RGS17: variants seen among roughly 807,000 people sequenced by gnomAD.
RGS17 encodes the protein regulator of G protein signaling 17, also known as regulator of G-protein signaling 17.
RGS17 carries 12 observed loss-of-function variants against 25.5 expected under a neutral mutation model. The observed-to-expected ratio is 0.47, with a 90% CI of 0.30 to 0.76. RGS17 has a LOEUF of 0.76. Among genes scored for constraint, RGS17 ranks in the 30% least tolerant of loss-of-function variants. RGS17 has a pLI of 0.07. For missense variants in RGS17, 196 were observed against 242.2 expected (o/e 0.81, Z 1.27); for synonymous variants, 71 against 76.9 (o/e 0.92, Z 0.40).
chr6:153,038,763 T>C (rs1776283964), intron 2 of RGS17, among the ~76,000 whole-genome samples: 1 of 152,218 alleles, frequency 6.6e-6, no homozygotes, highest in Non-Finnish European at 1.5e-5. Flanking sequence ...TCTTAGTATT[T>C]CCTTTGGCAG....
chr6:153,052,715 G>A (rs947953256), intron 1 of RGS17, among the ~76,000 whole-genome samples: 1 of 152,116 alleles, frequency 6.6e-6, no homozygotes, highest in African/African-American at 2.4e-5. Flanking sequence ...TGGAAATAAT[G>A]TATTCTGCAT....
At chr6:153,069,327 T>C (rs1177957832) in intron 1 of RGS17, among the ~76,000 whole-genome samples, 1 of 152,178 alleles carries the variant, frequency 6.6e-6, no homozygotes, top group Non-Finnish European at 1.5e-5. Context: ...GAGTTCATTA[T>C]GTTAAGTAAA....
At chr6:153,054,497 A>ATGGTG in intron 1 of RGS17, among the ~76,000 whole-genome samples, 2 of 151,892 alleles carry the variant, frequency 1.3e-5, no homozygotes, top group Middle Eastern at 6.8e-3. Context: ...CTAAAAATAC[A>ATGGTG]AAAATTAGCC....
At chr6:153,014,547 C>T (rs1361209430) in intron 4 of RGS17, among the ~76,000 whole-genome samples, 1 of 151,378 alleles carries the variant, frequency 6.6e-6, no homozygotes, top group Non-Finnish European at 1.5e-5. Flanking sequence ...GCCTGTAATC[C>T]CAGCACTTTG....
At chr6:153,018,895 G>T (rs1481160608) in intron 4 of RGS17, among the ~76,000 whole-genome samples, 1 of 152,188 alleles carries the variant, frequency 6.6e-6, no homozygotes, top group Admixed American at 6.5e-5. Flanking sequence ...TTAAATCATT[G>T]AATGTGCTAA....
intron 1 of RGS17, among the ~76,000 whole-genome samples, chr6:153,093,799 A>T (rs1777166545): frequency 6.6e-6 from 1 of 152,136 alleles, no homozygotes. Flanking sequence ...TAGTGAAAAG[A>T]TCATTGATCT....
chr6:153,055,612 C>T (rs1018753134), intron 1 of RGS17, among the ~76,000 whole-genome samples: 1 of 152,004 alleles, frequency 6.6e-6, no homozygotes, highest in Non-Finnish European at 1.5e-5. Flanking sequence ...CAGCTGGCAT[C>T]CTACCTGTAA....
At chr6:153,042,809 T>C (rs182970764) in intron 2 of RGS17, among the ~76,000 whole-genome samples, 1 of 152,286 alleles carries the variant, frequency 6.6e-6, no homozygotes, top group Admixed American at 6.5e-5. Flanking sequence ...TTACCTTCTT[T>C]TGGCCACAAT....
chr6:153,070,017 T>C (rs1014217668), intron 1 of RGS17, among the ~76,000 whole-genome samples: 23 of 152,100 alleles, frequency 1.5e-4, no homozygotes, highest in African/African-American at 5.6e-4. Context: ...ATACAAGTGA[T>C]AGAATCAATT....
At chr6:153,083,263 T>C (rs768411591) in intron 1 of RGS17, among the ~76,000 whole-genome samples, 4 of 152,190 alleles carry the variant, frequency 2.6e-5, no homozygotes, top group Non-Finnish European at 4.4e-5. Context: ...GAGAAAACAT[T>C]TGTGTCTTGT....
At chr6:153,115,216 A>G (rs1777526969) in intron 1 of RGS17, among the ~76,000 whole-genome samples, 1 of 152,246 alleles carries the variant, frequency 6.6e-6, no homozygotes, top group Admixed American at 6.5e-5. Flanking sequence ...TTAAGCTGAT[A>G]AGCAACTTCA....
chr6:153,013,598 T>C (rs1281199752), intron 4 of RGS17, among the ~76,000 whole-genome samples: 2 of 152,206 alleles, frequency 1.3e-5, no homozygotes, highest in South Asian at 2.1e-4. Context: ...TGGGCCTCTT[T>C]TGAAAGTTAG....
At chr6:153,126,577 C>T (rs888188578) in intron 1 of RGS17, among the ~76,000 whole-genome samples, 4 of 152,132 alleles carry the variant, frequency 2.6e-5, no homozygotes, top group African/African-American at 7.2e-5. Context: ...AAGACTTGAA[C>T]GAGCCATCCT....
chr6:153,051,663 C>A (rs62436151), intron 1 of RGS17, among the ~76,000 whole-genome samples: 1 of 151,958 alleles, frequency 6.6e-6, no homozygotes, highest in African/African-American at 2.4e-5. Flanking sequence ...ACTGAAGGCA[C>A]GGCTTTGTTC....
At chr6:153,055,758 T>C (rs1776545762) in intron 1 of RGS17, among the ~76,000 whole-genome samples, 1 of 152,194 alleles carries the variant, frequency 6.6e-6, no homozygotes, top group African/African-American at 2.4e-5. Context: ...AAATCAGGTG[T>C]ACTAATCAGA....
At chr6:153,114,496 A>G (rs1324543871) in intron 1 of RGS17, among the ~76,000 whole-genome samples, 1 of 152,208 alleles carries the variant, frequency 6.6e-6, no homozygotes, top group Non-Finnish European at 1.5e-5. Context: ...GAATTCTACC[A>G]GAGATACAAA....
rs117267487 is a variant in RGS17 at position 153,121,802 on chromosome 6, C to T, written c.-26+9322G>A. 2.7e-3 allele frequency among the ~76,000 whole-genome samples: 409 copies of T among 152,150 alleles called. 7 individuals are homozygous for T. In the East Asian group the frequency reaches 0.035, roughly 13 times the overall value. ...TGTGATTGAATTTCAGTATCACCTA[C>T]GAGAATTTTAAACTATTTAACATAA... On this transcript the variant is annotated intron_variant, in intron 1 of 4. Coordinates refer to ENST00000206262, the MANE Select transcript of RGS17 (RefSeq NM_012419.5).
rs1489935167 is a variant in RGS17, at chr6:153,130,505, CA to C, written c.-26+618del. Among the ~76,000 whole-genome samples the C allele has an allele frequency of 3.9e-5, 6 of 152,026 alleles. No individual in the cohort carries two copies. The highest frequency in any genetic ancestry group is 4.2e-4 in the South Asian group (2 of 4,814). On this transcript the variant is annotated intron_variant, in intron 1 of 4. Coordinates refer to ENST00000206262, the MANE Select transcript of RGS17 (RefSeq NM_012419.5). The surrounding 1 kb of genome is among the most constrained non-coding windows in gnomAD (Gnocchi z 6.4). ...ACATACACACACACACACACACACA[CA>C]CACCCCTCCGGTATTTTACTGCTGG...
chr6:153,013,078 C>T (rs984655742), intron 4 of RGS17, among the ~76,000 whole-genome samples: 31 of 152,122 alleles, frequency 2.0e-4, no homozygotes, highest in African/African-American at 6.5e-4. Flanking sequence ...TTTAGTTTTT[C>T]GCAGATACTG....
Sources: allele counts gnomAD v4.1 joint callset (sites outside exome capture counted in the v4.1 genomes callset), GRCh38; gene constraint gnomAD v4.1.1; non-coding constraint Gnocchi (gnomAD v3.1); transcripts MANE v1.5; gene names NCBI Gene and HGNC (gene_info 2026-07-23, HGNC 2026-07-21).